The following GPR141 variants were observed in gnomAD, a reference collection of about 807,000 sequenced individuals.
GPR141 encodes G protein-coupled receptor 141, also known as probable G protein-coupled receptor 141.
In GPR141, 6 loss-of-function variants were observed where a neutral mutation model predicts 6.8. The ratio of observed to expected loss-of-function variants is 0.88; its 90% CI spans 0.48 to 1.74. The LOEUF is 1.74. Among genes scored for constraint, GPR141 ranks in the 40% most tolerant of loss-of-function variants. The pLI is 0.01. For missense variants in GPR141, 372 were observed against 372.9 expected, an observed-to-expected ratio of 1.00 and a Z score of 0.02; for synonymous variants, 140 against 142.3, an observed-to-expected ratio of 0.98 and a Z score of 0.11.
chr7:37,730,877 T>C (rs1811897016), intron 2 of GPR141, among the ~76,000 whole-genome samples: 1 of 152,398 alleles, frequency 6.6e-6, no homozygotes, highest in East Asian at 1.9e-4. Context: ...AATGAAGACA[T>C]TTCCTTTCAA....
chr7:37,728,202 C>G (rs1367208471), intron 2 of GPR141, among the ~76,000 whole-genome samples: 2 of 152,210 alleles, frequency 1.3e-5, no homozygotes, highest in African/African-American at 4.8e-5. Context: ...TGAATTCTTG[C>G]AGCATTTTTC....
intron 2 of GPR141, among the ~76,000 whole-genome samples, chr7:37,734,115 G>GT (rs1812119974): frequency 6.6e-6 from 1 of 152,202 alleles, no homozygotes; most frequent in Non-Finnish European, 1.5e-5. Context: ...CAAGGCTGCA[G>GT]TGAACCATGA....
intron 2 of GPR141, among the ~76,000 whole-genome samples, chr7:37,686,883 G>T (rs2131721465): frequency 6.6e-6 from 1 of 152,244 alleles, no homozygotes; most frequent in South Asian, 2.1e-4. Flanking sequence ...TTACAAGGTT[G>T]CTAGTAACCT....
intron 2 of GPR141, among the ~76,000 whole-genome samples, chr7:37,726,264 A>C (rs538944623): frequency 2.0e-5 from 3 of 152,344 alleles, no homozygotes; most frequent in Admixed American, 2.0e-4. Context: ...AAAGGTGAGA[A>C]GCCATTGGAG....
chr7:37,685,884 T>A (rs906585660), intron 2 of GPR141, among the ~76,000 whole-genome samples: 3 of 151,772 alleles, frequency 2.0e-5, no homozygotes, highest in African/African-American at 7.3e-5. Flanking sequence ...TTAAAATCAA[T>A]GAGCCTGTGA....
intron 2 of GPR141, among the ~76,000 whole-genome samples, chr7:37,725,647 A>G (rs904452543): frequency 2.0e-5 from 3 of 152,210 alleles, no homozygotes; most frequent in African/African-American, 7.2e-5. Context: ...TATAAAAGTC[A>G]TTCTTTTTTC....
intron 2 of GPR141, among the ~76,000 whole-genome samples, chr7:37,736,881 A>C (rs558783587): frequency 8.9e-4 from 135 of 152,318 alleles, no homozygotes; most frequent in Middle Eastern, 3.4e-3. Context: ...GGATAAGAAA[A>C]CTAAATGGAC....
intron 2 of GPR141, among the ~76,000 whole-genome samples, chr7:37,731,695 G>A (rs1365107729): frequency 5.9e-5 from 9 of 152,202 alleles, no homozygotes; most frequent in East Asian, 3.9e-4. Flanking sequence ...CTCGTGATCC[G>A]CCCGCCTCGG....
intron 2 of GPR141, among the ~76,000 whole-genome samples, chr7:37,703,467 G>T (rs10279019): frequency 0.39 from 58,648 of 151,892 alleles, 11,626 homozygotes; most frequent in African/African-American, 0.46. Flanking sequence ...GCCTTCACTT[G>T]GCTCTCTTTA....
chr7:37,700,068 C>T lies in GPR141; in HGVS notation c.-15+14485C>T, dbSNP rs112370470. 1.9e-3 allele frequency among the ~76,000 whole-genome samples: 295 copies of T among 152,272 alleles called. 2 individuals are homozygous for T. Among genetic ancestry groups the T allele is most frequent in the African/African-American group, 7.0e-3 (289 of 41,534 alleles). ...GCTTGGAGAGGGTGAACAATTTGTCCTCAGTCATCCAGATATTGTGGTAGA... is the reference window on the plus strand; with the variant it reads ...GCTTGGAGAGGGTGAACAATTTGTCTTCAGTCATCCAGATATTGTGGTAGA... On this transcript the variant is annotated intron_variant, in intron 2 of 2. Transcript: ENST00000334425.
At chr7:37,694,827 G>A (rs1809943463) in intron 2 of GPR141, among the ~76,000 whole-genome samples, 1 of 152,148 alleles carries the variant, frequency 6.6e-6, no homozygotes, top group African/African-American at 2.4e-5. Flanking sequence ...AGCACCTCCT[G>A]TTTGGCCTGG....
intron 2 of GPR141, among the ~76,000 whole-genome samples, chr7:37,690,610 C>T (rs368593571): frequency 6.6e-6 from 1 of 152,092 alleles, no homozygotes; most frequent in Admixed American, 6.6e-5. Context: ...TATAGCAATA[C>T]AAGAGCAACC....
chr7:37,700,280 G>C (rs1044806072), intron 2 of GPR141, among the ~76,000 whole-genome samples: 22 of 152,290 alleles, frequency 1.4e-4, no homozygotes, highest in African/African-American at 5.1e-4. Flanking sequence ...TGAAAAATTA[G>C]GATTAGAGGC....
intron 2 of GPR141, chr7:37,730,187 C>G (rs183714230): frequency 1.2e-4 from 18 of 152,186 alleles, no homozygotes; most frequent in Non-Finnish European, 2.6e-4. Flanking sequence ...TCTTTTCCTC[C>G]CTCACTTTCT....
At chr7:37,723,023 G>A (rs1355777607) in intron 2 of GPR141, among the ~76,000 whole-genome samples, 2 of 131,996 alleles carry the variant, frequency 1.5e-5, no homozygotes, top group Admixed American at 9.2e-5. Context: ...GTCTCAGTCT[G>A]TTGCCCAGGT....
chr7:37,692,898 CCTTT>C (rs1297612602), intron 2 of GPR141, among the ~76,000 whole-genome samples: 1 of 151,984 alleles, frequency 6.6e-6, no homozygotes, highest in African/African-American at 2.4e-5. Context: ...GGATATAAGC[CCTTT>C]GTCAGATGGA....
intron 2 of GPR141, among the ~76,000 whole-genome samples, chr7:37,737,566 T>C (rs1258034584): frequency 3.3e-5 from 5 of 152,068 alleles, no homozygotes; most frequent in African/African-American, 1.2e-4. Flanking sequence ...CTTAAAACAT[T>C]GTGAGATTTA....
intron 2 of GPR141, among the ~76,000 whole-genome samples, chr7:37,716,663 TG>T (rs1401065095): frequency 1.1e-4 from 16 of 152,222 alleles, no homozygotes; most frequent in Admixed American, 6.5e-5. Context: ...TATAATTTCT[TG>T]TTGGCTGAAA....
intron 1 of GPR141, among the ~76,000 whole-genome samples, chr7:37,684,515 A>G (rs1156737397): frequency 6.6e-6 from 1 of 152,220 alleles, no homozygotes; most frequent in Non-Finnish European, 1.5e-5. Context: ...AAATAAAAAG[A>G]ACAACATCTG....
Sources: gnomAD v4.1 joint callset for allele counts (sites outside exome capture counted in the v4.1 genomes callset) on GRCh38, gnomAD v4.1.1 for gene constraint, MANE v1.5 for transcripts, NCBI Gene and HGNC (gene_info 2026-07-23, HGNC 2026-07-21) for gene names.